The following LGI1 variants were observed in gnomAD, a reference collection of about 807,000 sequenced individuals.
LGI1 encodes the protein leucine-rich glioma-inactivated protein 1.
LGI1 carries 11 observed loss-of-function variants against 57.7 expected under a neutral mutation model. The ratio of observed to expected loss-of-function variants is 0.19; its 90% CI spans 0.12 to 0.32. The LOEUF is 0.32. Among genes scored for constraint, LGI1 ranks in the 10% least tolerant of loss-of-function variants. LGI1 has a pLI of 1.00. For missense variants in LGI1, 422 were observed against 661.9 expected, an observed-to-expected ratio of 0.64 and a Z score of 3.98; for synonymous variants, 222 against 241.9, an observed-to-expected ratio of 0.92 and a Z score of 0.76.
In LGI1 at chr10:93,758,890, T is replaced by C; in HGVS notation, c.287+59T>C. 1.7e-6 allele frequency: 2 copies of C among 1,160,432 alleles called. No individual in the cohort carries two copies. Among genetic ancestry groups the C allele is most frequent in the African/African-American group, 1.5e-5 (1 of 65,996 alleles). The allele number at this position is 1,160,432 out of a possible 1,614,324, so 71.9% of individuals were successfully genotyped here. A position where few individuals can be genotyped will look rare whatever the true frequency, so the allele number is the denominator to read the frequency against. On this transcript the variant is annotated intron_variant, in intron 2 of 7. Coordinates refer to ENST00000371418, the MANE Select transcript of LGI1 (RefSeq NM_005097.4). The surrounding 1 kb of genome is among the most constrained non-coding windows in gnomAD (Gnocchi z 4.7). ...ATGGCATATATTTGGATAAGCCTTCTAGTAAAATGATCTCAATATTAATTT... is the reference window on the plus strand; with the variant it reads ...ATGGCATATATTTGGATAAGCCTTCCAGTAAAATGATCTCAATATTAATTT...
In LGI1 at chr10:93,777,350, C is replaced by T. The variant is rs369751021; in HGVS notation, c.288-29C>T. Reference sequence around the variant, plus strand: ...AAGATTGACAATCTGTCAGTTTCACCATTTTCATTGTGTACTTTTTCTGGG... The same window carrying T: ...AAGATTGACAATCTGTCAGTTTCACTATTTTCATTGTGTACTTTTTCTGGG... On this transcript the variant is annotated intron_variant, in intron 2 of 7. Transcript: ENST00000371418. 52 of 1,599,480 alleles carry T rather than the reference C, an allele frequency of 3.3e-5. No individual in the cohort carries two copies. The African/African-American group carries it at 6.2e-4, about 19-fold the overall frequency.
chr10:93,786,078 C>T lies in LGI1; in HGVS notation c.432-4021C>T, dbSNP rs553069703. Among the ~76,000 whole-genome samples, 15 of 46,418 alleles carry T rather than the reference C, an allele frequency of 3.2e-4. 2 individuals are homozygous for T. The highest frequency in any genetic ancestry group is 4.5e-4 in the African/African-American group (15 of 33,366). 30.5% of individuals were successfully genotyped at this position (46,418 alleles called of 152,430 possible). ...CTCATCACAGCTGGCTTTAAGCTGG[C>T]GCAAAGAACCACAGCGGTGGCTTCA... On this transcript the variant is annotated intron_variant, in intron 4 of 7. Coordinates refer to ENST00000371418, the MANE Select transcript of LGI1 (RefSeq NM_005097.4).
chr10:93,764,198 G>T (rs1168051246), intron 2 of LGI1: 2 of 152,094 alleles, frequency 1.3e-5, no homozygotes, highest in Non-Finnish European at 2.9e-5. Context: ...AGTGATTCTT[G>T]ATATGGTAAA....
intron 4 of LGI1, among the ~76,000 whole-genome samples, chr10:93,783,308 G>A (rs762967740): frequency 3.2e-4 from 48 of 152,268 alleles, no homozygotes; most frequent in African/African-American, 1.2e-3. Flanking sequence ...CCCGGGAGGT[G>A]GAGCTTGCAG....
chr10:93,792,540 T>C (rs2059945833), intron 5 of LGI1: 5 of 631,698 alleles, frequency 7.9e-6, no homozygotes, highest in Non-Finnish European at 1.4e-5. Flanking sequence ...TGAGGTTCCA[T>C]TGACTGGGTA....
chr10:93,766,079 A>G (rs2059674157), intron 2 of LGI1, among the ~76,000 whole-genome samples: 2 of 152,094 alleles, frequency 1.3e-5, no homozygotes. Context: ...ACTGGCTGTT[A>G]TAAGGTTATT....
chr10:93,795,451 G>A (rs553786725), intron 7 of LGI1, among the ~76,000 whole-genome samples: 1 of 152,074 alleles, frequency 6.6e-6, no homozygotes, highest in Non-Finnish European at 1.5e-5. Flanking sequence ...TTTTGCAAGG[G>A]CACAAATTCC....
At position 93,790,230 on chromosome 10, in the gene LGI1, C is replaced by G. The variant is rs533924701; in HGVS notation, c.503+60C>G. 7 of 1,344,664 alleles carry G rather than the reference C, an allele frequency of 5.2e-6. No homozygotes were observed. The African/African-American group carries it at 8.8e-5, about 17-fold the overall frequency. The allele number at this position is 1,344,664 out of a possible 1,614,324, so 83.3% of individuals were successfully genotyped here. Reference sequence around the variant, plus strand: ...TAATTTGCAGTCATTAACAAGGAAGCCTGGTATTGATTATTATAATTTTTA... The same window carrying G: ...TAATTTGCAGTCATTAACAAGGAAGGCTGGTATTGATTATTATAATTTTTA... On this transcript the variant is annotated intron_variant, in intron 5 of 7. Coordinates refer to ENST00000371418, the MANE Select transcript of LGI1 (RefSeq NM_005097.4).
At chr10:93,766,622 A>C (rs2059681906) in intron 2 of LGI1, among the ~76,000 whole-genome samples, 1 of 147,402 alleles carries the variant, frequency 6.8e-6, no homozygotes, top group Non-Finnish European at 1.5e-5. Flanking sequence ...CTCCTGCCTC[A>C]GCCTCCCGAG....
At position 93,797,548 on chromosome 10, in the gene LGI1, G is replaced by A. The variant is rs1040194336; in HGVS notation, c.1419G>A (p.Ser473=). 1.2e-5 allele frequency: 19 copies of A among 1,614,106 alleles called. No individual in the cohort carries two copies. The highest frequency in any genetic ancestry group is 1.6e-4 in the Middle Eastern group (1 of 6,062). The change falls in exon 8 of 8, where the codon TCG becomes TCA. Residue 473 remains serine, a synonymous_variant. Transcript: ENST00000371418. This position sits in a 1 kb window ranked among gnomAD's most constrained non-coding sequence, Gnocchi z 6.5. The part of the protein sequence containing the change: ...SSFQDIQRMP[S]RGSMVFQPLQ... ...TCCAGGATATTCAGAGGATGCCATCGCGAGGATCCATGGTGTTCCAGCCTC... is the reference window on the plus strand; with the variant it reads ...TCCAGGATATTCAGAGGATGCCATCACGAGGATCCATGGTGTTCCAGCCTC...
intron 4 of LGI1, among the ~76,000 whole-genome samples, chr10:93,781,256 G>C (rs2059845174): frequency 6.6e-6 from 1 of 152,118 alleles, no homozygotes; most frequent in African/African-American, 2.4e-5. Flanking sequence ...CTACTCTGGA[G>C]GCTGAGGCAG....
chr10:93,780,379 G>A (rs913806216), intron 4 of LGI1: 3 of 152,104 alleles, frequency 2.0e-5, no homozygotes, highest in Admixed American at 6.6e-5. Flanking sequence ...TAATAAATCT[G>A]GCATTTGTCT....
At chr10:93,777,707 TC>T in intron 4 of LGI1, 90 bp downstream of exon 4, 1 of 1,016,206 alleles carries the variant, frequency 9.8e-7, no homozygotes, top group Non-Finnish European at 1.5e-6. Context: ...TTTATGAGTG[TC>T]CATAAAAATT....
intron 2 of LGI1, chr10:93,772,009 TA>T (rs2059747230): frequency 6.7e-6 from 1 of 148,660 alleles, no homozygotes; most frequent in African/African-American, 2.5e-5. Flanking sequence ...CGCAAAGAAA[TA>T]ATACATAATA....
chr10:93,771,229 A>G (rs1443279520), intron 2 of LGI1: 1 of 152,226 alleles, frequency 6.6e-6, no homozygotes, highest in East Asian at 1.9e-4. Context: ...GCTGTGTCTT[A>G]CCTCACATCA....
chr10:93,759,254 T>A (rs994813068), intron 2 of LGI1: 1 of 174,810 alleles, frequency 5.7e-6, no homozygotes, highest in Non-Finnish European at 1.2e-5. Flanking sequence ...CTGTATGATT[T>A]ACCATGTGGG....
At chr10:93,777,649 C>T (rs1329673718) in intron 4 of LGI1, 32 bp downstream of exon 4, 10 of 1,537,404 alleles carry the variant, frequency 6.5e-6, no homozygotes, top group Non-Finnish European at 9.0e-6. Flanking sequence ...ACTTTTTAAG[C>T]TTGCTAATGG....
At position 93,793,234 on chromosome 10, in the gene LGI1, C is replaced by A. The variant is rs754980689; in HGVS notation, c.722C>A (p.Thr241Asn). The A allele has an allele frequency of 1.2e-6, 2 of 1,613,460 alleles. No homozygotes were observed. Among genetic ancestry groups the A allele is most frequent in the East Asian group, 4.5e-5 (2 of 44,854 alleles). The change falls in exon 7 of 8, where the codon ACT becomes AAT. Residue 241 changes from threonine to asparagine, a missense_variant. This residue lies in a region of LGI1 where 301 missense variants were observed against 461.7 expected (regional missense o/e 0.65). Coordinates refer to ENST00000371418, the MANE Select transcript of LGI1 (RefSeq NM_005097.4). Reference sequence around the variant, plus strand: ...CCTTATCAATCATTGTCCATAGACACTTTTTCTTATTTGAATGATGAGTAT... The same window carrying A: ...CCTTATCAATCATTGTCCATAGACAATTTTTCTTATTTGAATGATGAGTAT... ...DLPYQSLSID[T>N]FSYLNDEYVV...
At chr10:93,776,590 T>C (rs2059796779) in intron 2 of LGI1, among the ~76,000 whole-genome samples, 1 of 152,124 alleles carries the variant, frequency 6.6e-6, no homozygotes, top group African/African-American at 2.4e-5. Context: ...AGAATTACTA[T>C]TATTATTATT....
Sources: gnomAD v4.1 joint callset for allele counts (sites outside exome capture counted in the v4.1 genomes callset) on GRCh38, gnomAD v4.1.1 for gene constraint, gnomAD v4.1.1 regional missense constraint, Gnocchi (gnomAD v3.1) non-coding constraint, MANE v1.5 for transcripts, NCBI Gene and HGNC (gene_info 2026-07-23, HGNC 2026-07-21) for gene names.